The following PHACTR1 variants were observed in gnomAD, a reference collection of about 807,000 sequenced individuals.
The protein encoded by PHACTR1 is phosphatase and actin regulator 1, also known as RPEL repeat containing 1.
A neutral mutation model predicts 69.2 loss-of-function variants in PHACTR1; 16 were observed. The ratio of observed to expected loss-of-function variants is 0.23; its 90% CI spans 0.16 to 0.35. The LOEUF is 0.35. Ranked by LOEUF, PHACTR1 falls within the 10% of genes least tolerant of loss-of-function variation. PHACTR1 has a pLI of 1.00. For missense variants in PHACTR1, 510 were observed against 734.7 expected (o/e 0.69, Z 3.54); for synonymous variants, 312 against 284.5 (o/e 1.10, Z -0.97).
At chr6:13,260,199 A>T (rs1775721176) in intron 10 of PHACTR1, among the ~76,000 whole-genome samples, 2 of 152,212 alleles carry the variant, frequency 1.3e-5, no homozygotes, top group Admixed American at 6.5e-5. Context: ...AACTGAGAAG[A>T]TCTTCATGTA....
intron 5 of PHACTR1, among the ~76,000 whole-genome samples, chr6:13,080,863 T>C (rs1463330647): frequency 6.6e-6 from 1 of 152,008 alleles, no homozygotes; most frequent in Non-Finnish European, 1.5e-5. Context: ...GAACTTTTCG[T>C]AAAAGAAAAA....
intron 4 of PHACTR1, among the ~76,000 whole-genome samples, chr6:13,025,705 G>GTGTGTC (rs1801602384): frequency 6.6e-6 from 1 of 151,832 alleles, no homozygotes; most frequent in Admixed American, 6.6e-5. Flanking sequence ...GTGTGTGTGT[G>GTGTGTC]TGTGTCTGTG....
chr6:13,237,945 T>G (rs1477493598), intron 10 of PHACTR1, among the ~76,000 whole-genome samples: 3 of 152,262 alleles, frequency 2.0e-5, no homozygotes, highest in Non-Finnish European at 4.4e-5. Context: ...CAGTCCCATA[T>G]GCAGTCCGTT....
chr6:12,834,319 A>G (rs141653307), intron 4 of PHACTR1, among the ~76,000 whole-genome samples: 1 of 152,288 alleles, frequency 6.6e-6, no homozygotes, highest in African/African-American at 2.4e-5. Flanking sequence ...CCTGATTGGC[A>G]TAATACATCT....
intron 7 of PHACTR1, among the ~76,000 whole-genome samples, chr6:13,202,948 G>A (rs1391222572): frequency 1.3e-5 from 2 of 152,248 alleles, no homozygotes; most frequent in South Asian, 4.1e-4. Flanking sequence ...AACAGGACAA[G>A]CCCTCAGGAA....
chr6:12,933,839 G>C (rs757880909), intron 4 of PHACTR1: 2 of 1,612,778 alleles, frequency 1.2e-6, no homozygotes, highest in Non-Finnish European at 1.7e-6. Flanking sequence ...TGTTCAAGGA[G>C]CTAAGAGAAG....
chr6:12,846,026 G>A (rs1166849769), intron 4 of PHACTR1, among the ~76,000 whole-genome samples: 2 of 152,288 alleles, frequency 1.3e-5, no homozygotes, highest in African/African-American at 2.4e-5. Flanking sequence ...AAACTGTGGA[G>A]AGGAGGGAAC....
At chr6:12,759,563 C>T (rs559002197) in intron 4 of PHACTR1, among the ~76,000 whole-genome samples, 1 of 152,162 alleles carries the variant, frequency 6.6e-6, no homozygotes, top group South Asian at 2.1e-4. Context: ...CCGACCTAGC[C>T]CTTGGGCTCA....
intron 10 of PHACTR1, 141 bp from the exon 11 acceptor site, chr6:13,272,719 C>G (rs1778013273): frequency 1.3e-6 from 2 of 1,589,622 alleles, no homozygotes; most frequent in African/African-American, 2.7e-5. Flanking sequence ...GCGGTGGTGG[C>G]GAGAGTCAGT....
chr6:12,738,085 T>C (rs1047454437), intron 3 of PHACTR1, among the ~76,000 whole-genome samples: 1 of 152,236 alleles, frequency 6.6e-6, no homozygotes, highest in Non-Finnish European at 1.5e-5. Flanking sequence ...TAGAATCCAG[T>C]ACTGGTCTAG....
At chr6:13,114,092 G>T (rs1021376226) in intron 5 of PHACTR1, among the ~76,000 whole-genome samples, 1 of 152,164 alleles carries the variant, frequency 6.6e-6, no homozygotes, top group Non-Finnish European at 1.5e-5. Flanking sequence ...GGTTGCTGGT[G>T]CTCCTTCATC....
intron 12 of PHACTR1, chr6:13,280,992 C>CT: frequency 7.8e-7 from 1 of 1,289,618 alleles, no homozygotes; most frequent in Non-Finnish European, 1.0e-6. Flanking sequence ...AACTGTGACT[C>CT]TGAGAGGCAG....
chr6:13,169,066 G>A (rs1420990567), intron 6 of PHACTR1, among the ~76,000 whole-genome samples: 2 of 152,140 alleles, frequency 1.3e-5, no homozygotes. Context: ...GGGTAGTGGG[G>A]AAAAGGGTAG....
At chr6:13,084,998 A>G (rs1447723203) in intron 5 of PHACTR1, among the ~76,000 whole-genome samples, 2 of 152,150 alleles carry the variant, frequency 1.3e-5, no homozygotes, top group Non-Finnish European at 2.9e-5. Context: ...AATATTAATA[A>G]ATCCAAATAT....
chr6:12,782,288 C>A (rs531866921), intron 4 of PHACTR1, among the ~76,000 whole-genome samples: 1 of 152,220 alleles, frequency 6.6e-6, no homozygotes, highest in South Asian at 2.1e-4. Context: ...GAACATGACG[C>A]CTTACATAGC....
chr6:13,158,152 G>A (rs1280866711), intron 5 of PHACTR1, among the ~76,000 whole-genome samples: 1 of 152,134 alleles, frequency 6.6e-6, no homozygotes, highest in Non-Finnish European at 1.5e-5. Flanking sequence ...AAAGTGCTGG[G>A]ATTATAGGTG....
chr6:12,881,357 T>C (rs1261638725), intron 4 of PHACTR1, among the ~76,000 whole-genome samples: 1 of 152,120 alleles, frequency 6.6e-6, no homozygotes, highest in Non-Finnish European at 1.5e-5. Flanking sequence ...AGGGTTGCAT[T>C]TGGCGCTGAA....
chr6:12,725,171 C>T lies in PHACTR1; in HGVS notation c.103+6324C>T, dbSNP rs557671736. Among the ~76,000 whole-genome samples the T allele has an allele frequency of 4.7e-4, 72 of 152,310 alleles. No individual in the cohort carries two copies. The South Asian group carries it at 0.015, about 31-fold the overall frequency. Reference sequence around the variant, plus strand: ...GTCTCTCCCCTCACGCCTCCACCCACCTCCACTCTTTGCCCACTCTGTGAA... The same window carrying T: ...GTCTCTCCCCTCACGCCTCCACCCATCTCCACTCTTTGCCCACTCTGTGAA... On this transcript the variant is annotated intron_variant, in intron 3 of 14. Coordinates refer to ENST00000332995, the MANE Select transcript of PHACTR1 (RefSeq NM_030948.6).
At chr6:13,048,886 A>G (rs1161880173) in intron 4 of PHACTR1, among the ~76,000 whole-genome samples, 2 of 152,174 alleles carry the variant, frequency 1.3e-5, no homozygotes, top group Non-Finnish European at 2.9e-5. Flanking sequence ...AGCCATCCTC[A>G]CACTTAAGCC....
Sources: gnomAD v4.1 joint callset for allele counts (sites outside exome capture counted in the v4.1 genomes callset) on GRCh38, gnomAD v4.1.1 for gene constraint, MANE v1.5 for transcripts, NCBI Gene and HGNC (gene_info 2026-07-23, HGNC 2026-07-21) for gene names.